Variants in PSMG2 observed in about 807,000 individuals in gnomAD.
PSMG2 encodes CD40 ligand-activated specific transcript 3.
PSMG2 carries 21 observed loss-of-function variants against 31.5 expected under a neutral mutation model. The observed-to-expected ratio is 0.67, with a 90% CI of 0.47 to 0.96. The LOEUF (loss-of-function observed/expected upper bound fraction) is 0.96. PSMG2 is among the 40% of genes least tolerant of loss of function. The pLI is 0.00. For synonymous variants in PSMG2, 120 were observed against 110.4 expected (o/e 1.09, Z -0.54); for missense variants, 318 against 321.2 (o/e 0.99, Z 0.08).
chr18:12,712,285 T>C (rs1391371813), intron 2 of PSMG2, among the ~76,000 whole-genome samples: 1 of 152,148 alleles, frequency 6.6e-6, no homozygotes. Context: ...TACCTTTTAC[T>C]GTTTTTTCTG....
chr18:12,714,216 C>G (rs1359105332), intron 3 of PSMG2, among the ~76,000 whole-genome samples: 13 of 152,198 alleles, frequency 8.5e-5, no homozygotes, highest in Admixed American at 7.9e-4. Flanking sequence ...CAGTTCCTCA[C>G]GTTCCAAGTT....
intron 2 of PSMG2, among the ~76,000 whole-genome samples, chr18:12,712,072 A>G (rs940576466): frequency 5.3e-5 from 8 of 152,114 alleles, no homozygotes; most frequent in Admixed American, 3.3e-4. Context: ...TCATTCTTAG[A>G]AATGAAGTTG....
intron 1 of PSMG2, chr18:12,691,334 A>G (rs965588212): frequency 1.3e-6 from 2 of 1,486,648 alleles, no homozygotes; most frequent in Non-Finnish European, 1.8e-6. Flanking sequence ...ACAGGCATAA[A>G]ATTATTCTAA....
chr18:12,703,345 C>T (rs2040219692), intron 1 of PSMG2, among the ~76,000 whole-genome samples, 181 bp downstream of exon 1: 1 of 152,226 alleles, frequency 6.6e-6, no homozygotes, highest in Non-Finnish European at 1.5e-5. Flanking sequence ...GAACCTTTGT[C>T]GGCTGTAAAA....
intron 1 of PSMG2, chr18:12,661,876 A>G (rs1441062700): frequency 6.1e-6 from 1 of 164,558 alleles, no homozygotes; most frequent in Non-Finnish European, 1.3e-5. Context: ...ATGACTTCAT[A>G]TTTAAAATGT....
intron 1 of PSMG2, among the ~76,000 whole-genome samples, chr18:12,659,282 T>C (rs1403497738): frequency 6.6e-6 from 1 of 152,056 alleles, no homozygotes; most frequent in Non-Finnish European, 1.5e-5. Flanking sequence ...TCTATTTAAA[T>C]AACAACAGTC....
At chr18:12,721,121 A>C (rs903547660) in intron 5 of PSMG2, among the ~76,000 whole-genome samples, 9 of 152,128 alleles carry the variant, frequency 5.9e-5, no homozygotes, top group African/African-American at 2.2e-4. Flanking sequence ...CGGAGTTTGC[A>C]GTGAGCCGAG....
At chr18:12,710,454 T>C (rs1442223729) in intron 2 of PSMG2, among the ~76,000 whole-genome samples, 1 of 152,208 alleles carries the variant, frequency 6.6e-6, no homozygotes, top group South Asian at 2.1e-4. Flanking sequence ...AAGTACACAT[T>C]TCCTGTGAAC....
chr18:12,698,068 G>A (rs1298428607), upstream of PSMG2, among the ~76,000 whole-genome samples: 1 of 151,414 alleles, frequency 6.6e-6, no homozygotes, highest in African/African-American at 2.4e-5. Flanking sequence ...ATTTAGTTAT[G>A]AGAATTACAT....
rs528156131 is a variant in PSMG2, at chr18:12,697,462, A to C, written c.-36-9088A>C. On this transcript the variant is annotated intron_variant, in intron 1 of 6. Coordinates refer to the PSMG2 transcript ENST00000585331. Reference sequence around the variant, plus strand: ...CCACACTACATATTCAGTTAGGCCAACATAAAAGAATACTTTTATTAAACA... The same window carrying C: ...CCACACTACATATTCAGTTAGGCCACCATAAAAGAATACTTTTATTAAACA... The C allele has an allele frequency of 1.3e-4, 155 of 1,151,794 alleles. No homozygotes were observed. The African/African-American group carries it at 2.2e-3, about 16-fold the overall frequency. 71.3% of individuals were successfully genotyped at this position (1,151,794 alleles called of 1,614,324 possible). A position where few individuals can be genotyped will look rare whatever the true frequency, so the allele number is the denominator to read the frequency against.
chr18:12,663,919 C>T (rs1343514900), intron 1 of PSMG2, among the ~76,000 whole-genome samples: 1 of 151,900 alleles, frequency 6.6e-6, no homozygotes, highest in African/African-American at 2.4e-5. Context: ...AATCCCAGCA[C>T]TTTGGGAGGT....
At position 12,706,721 on chromosome 18, in the gene PSMG2, G is replaced by A. The variant is rs778783788; in HGVS notation, c.229G>A (p.Val77Met). The A allele has an allele frequency of 5.6e-6, 9 of 1,597,802 alleles. No homozygotes were observed. The East Asian group carries it at 1.6e-4, about 28-fold the overall frequency. Residue 77 changes from valine (V) to methionine (M), a missense_variant and splice_region_variant, in exon 2 of 7, where the codon GTG becomes ATG. Transcript: ENST00000317615. ...AACAGAACTTAGCATAAATGCTGAA[G>A]GTATGTAAGACTTTACCTTGTATTT... ...NSTELSINAE[V>M]YSLPSRKLVA...
At chr18:12,680,650 T>C (rs747028413) in intron 1 of PSMG2, 1 of 1,551,902 alleles carries the variant, frequency 6.4e-7, no homozygotes, top group Admixed American at 2.0e-5. Context: ...CTTATAAACT[T>C]AGTAAACTAA....
chr18:12,702,724 G>C, upstream of PSMG2: 1 of 676,450 alleles, frequency 1.5e-6, no homozygotes. Context: ...ACCTGGAAAT[G>C]AGGCCCCGGC....
At chr18:12,705,124 G>A (rs999943860) in intron 1 of PSMG2, among the ~76,000 whole-genome samples, 2 of 151,938 alleles carry the variant, frequency 1.3e-5, no homozygotes, top group Non-Finnish European at 2.9e-5. Context: ...GAGTGCAATG[G>A]CACGATCTTG....
chr18:12,663,788 CAG>C (rs1039752418), intron 1 of PSMG2, among the ~76,000 whole-genome samples: 1 of 152,038 alleles, frequency 6.6e-6, no homozygotes, highest in African/African-American at 2.4e-5. Flanking sequence ...TGTAGAGAGA[CAG>C]AATCTCATTC....
chr18:12,715,407 T>C (rs903728413), intron 3 of PSMG2, among the ~76,000 whole-genome samples: 1 of 152,210 alleles, frequency 6.6e-6, no homozygotes, highest in African/African-American at 2.4e-5. Flanking sequence ...TCAGTAAATA[T>C]TTGCTAAGGG....
upstream of PSMG2, chr18:12,701,074 T>C (rs760800287): frequency 1.2e-6 from 2 of 1,613,598 alleles, no homozygotes; most frequent in Admixed American, 1.7e-5. Context: ...TCCCGTATAG[T>C]CTCAGCAAGG....
chr18:12,697,190 A>C (rs1397130831), intron 1 of PSMG2: 2 of 1,390,482 alleles, frequency 1.4e-6, no homozygotes, highest in Non-Finnish European at 9.8e-7. Flanking sequence ...TGTGGCTATA[A>C]AAAGGTTAAC....
Sources: gnomAD v4.1 joint callset for allele counts (sites outside exome capture counted in the v4.1 genomes callset) on GRCh38, gnomAD v4.1.1 for gene constraint, MANE v1.5 for transcripts, NCBI Gene and HGNC (gene_info 2026-07-23, HGNC 2026-07-21) for gene names.